SLC2A13: variants seen among roughly 807,000 people sequenced by gnomAD.
SLC2A13 encodes solute carrier family 2 member 13, also known as proton myo-inositol cotransporter.
SLC2A13 carries 32 observed loss-of-function variants against 64.4 expected under a neutral mutation model. The ratio of observed to expected loss-of-function variants is 0.50; its 90% CI spans 0.37 to 0.67. The LOEUF (loss-of-function observed/expected upper bound fraction) is 0.67. Among genes scored for constraint, SLC2A13 ranks in the 30% least tolerant of loss-of-function variants. The probability of loss-of-function intolerance (pLI) is 0.00; values close to 1 mark genes in which losing one functional copy is unlikely to be tolerated. For synonymous variants in SLC2A13, 338 were observed against 327.1 expected (o/e 1.03, Z -0.36); for missense variants, 743 against 829.2 (o/e 0.90, Z 1.28).
At chr12:39,896,729 T>G (rs1273796358) in intron 4 of SLC2A13, among the ~76,000 whole-genome samples, 2 of 152,042 alleles carry the variant, frequency 1.3e-5, no homozygotes. Flanking sequence ...TAGTATACCC[T>G]AATAAAACAT....
chr12:40,066,839 C>G (rs1592053926), intron 1 of SLC2A13, among the ~76,000 whole-genome samples: 1 of 152,014 alleles, frequency 6.6e-6, no homozygotes, highest in Non-Finnish European at 1.5e-5. Context: ...GATAACAGAG[C>G]CACATAACTA....
At chr12:39,927,732 G>T (rs1037004571) in intron 4 of SLC2A13, among the ~76,000 whole-genome samples, 2 of 152,020 alleles carry the variant, frequency 1.3e-5, no homozygotes, top group African/African-American at 4.8e-5. Flanking sequence ...ATTTTAAGAG[G>T]CATTTACAAA....
chr12:39,941,576 G>T (rs1946026785), intron 4 of SLC2A13, among the ~76,000 whole-genome samples: 1 of 152,122 alleles, frequency 6.6e-6, no homozygotes, highest in African/African-American at 2.4e-5. Context: ...ATCCTGTTGA[G>T]AATTGTCTAT....
At chr12:39,838,180 T>C (rs1943072304) in intron 6 of SLC2A13, among the ~76,000 whole-genome samples, 1 of 150,602 alleles carries the variant, frequency 6.6e-6, no homozygotes, top group Non-Finnish European at 1.5e-5. Context: ...GATGAGTTCA[T>C]GTCCTTTGTA....
chr12:39,959,176 G>A (rs1488516146), intron 3 of SLC2A13, among the ~76,000 whole-genome samples: 3 of 152,148 alleles, frequency 2.0e-5, no homozygotes, highest in Non-Finnish European at 2.9e-5. Context: ...CCAAGATCCT[G>A]AGCACACCCA....
chr12:39,779,094 G>A (rs1940883002), intron 7 of SLC2A13, among the ~76,000 whole-genome samples: 1 of 152,176 alleles, frequency 6.6e-6, no homozygotes, highest in Non-Finnish European at 1.5e-5. Flanking sequence ...CCCAAGGGCT[G>A]GCATAAGTTG....
intron 4 of SLC2A13, among the ~76,000 whole-genome samples, chr12:39,889,132 CTCATA>C (rs1944538723): frequency 6.6e-6 from 1 of 151,944 alleles, no homozygotes. Flanking sequence ...CAAATGTTGG[CTCATA>C]TCATATTATT....
At chr12:39,847,309 T>A (rs1416832770) in intron 6 of SLC2A13, among the ~76,000 whole-genome samples, 1 of 152,096 alleles carries the variant, frequency 6.6e-6, no homozygotes, top group Non-Finnish European at 1.5e-5. Context: ...CTCCTCCTTT[T>A]TAAGAGAAAT....
intron 3 of SLC2A13, among the ~76,000 whole-genome samples, chr12:39,990,427 T>G (rs1947114490): frequency 6.6e-6 from 1 of 152,208 alleles, no homozygotes; most frequent in Admixed American, 6.5e-5. Flanking sequence ...CAGCAGTGCA[T>G]TCTCCTCTGA....
chr12:39,943,275 G>A (rs999229502), intron 4 of SLC2A13, among the ~76,000 whole-genome samples: 21 of 152,220 alleles, frequency 1.4e-4, no homozygotes, highest in Admixed American at 9.8e-4. Flanking sequence ...AGCAGAGTTT[G>A]AGTGCTGTGC....
At chr12:39,872,412 G>C (rs1435316264) in intron 4 of SLC2A13, among the ~76,000 whole-genome samples, 1 of 152,152 alleles carries the variant, frequency 6.6e-6, no homozygotes, top group African/African-American at 2.4e-5. Context: ...TAAAAATCTG[G>C]GACAAGTGAA....
chr12:39,943,812 C>A (rs1324957134), intron 4 of SLC2A13, among the ~76,000 whole-genome samples: 2 of 152,202 alleles, frequency 1.3e-5, no homozygotes, highest in Non-Finnish European at 2.9e-5. Context: ...ACGGTCTTTG[C>A]AAACCGCAGA....
intron 3 of SLC2A13, among the ~76,000 whole-genome samples, chr12:39,996,372 G>A (rs929971120): frequency 6.6e-6 from 1 of 152,158 alleles, no homozygotes; most frequent in Non-Finnish European, 1.5e-5. Context: ...TAAAAGTTTG[G>A]AAAATTTGCA....
In SLC2A13 at chr12:40,075,850, A is replaced by G. The variant is rs563182684; in HGVS notation, c.557-27640T>C. ...GAATTACTTATATTTATCTGTCTTA[A>G]GTTCACTCACTTTTTTCATCTCTCT... On this transcript the variant is annotated intron_variant, in intron 1 of 9. Coordinates refer to ENST00000280871, the MANE Select transcript of SLC2A13 (RefSeq NM_052885.4). Among the ~76,000 whole-genome samples the G allele has an allele frequency of 5.9e-5, 9 of 152,114 alleles. No homozygotes were observed. The East Asian group carries it at 1.5e-3, about 26-fold the overall frequency.
chr12:39,986,497 T>A (rs1243348210), intron 3 of SLC2A13, among the ~76,000 whole-genome samples: 1 of 152,064 alleles, frequency 6.6e-6, no homozygotes, highest in Non-Finnish European at 1.5e-5. Context: ...TTGATACTTT[T>A]GTTAAATACA....
At chr12:39,836,071 G>A (rs1942995332) in intron 6 of SLC2A13, among the ~76,000 whole-genome samples, 1 of 152,060 alleles carries the variant, frequency 6.6e-6, no homozygotes, top group African/African-American at 2.4e-5. Context: ...ACACAGAAAA[G>A]CCAGAGAAAG....
intron 4 of SLC2A13, among the ~76,000 whole-genome samples, chr12:39,936,432 A>C (rs988270755): frequency 1.3e-5 from 2 of 152,030 alleles, no homozygotes; most frequent in Admixed American, 6.6e-5. Context: ...ACAGCAAAAA[A>C]CCTTGGGCAC....
intron 4 of SLC2A13, among the ~76,000 whole-genome samples, chr12:39,891,158 G>A (rs894025559): frequency 6.7e-6 from 1 of 149,424 alleles, no homozygotes; most frequent in Non-Finnish European, 1.5e-5. Flanking sequence ...GATGCATCTA[G>A]GATGCTTGTC....
intron 1 of SLC2A13, among the ~76,000 whole-genome samples, chr12:40,060,463 G>A (rs982779131): frequency 5.3e-5 from 8 of 152,068 alleles, no homozygotes; most frequent in South Asian, 2.1e-4. Context: ...AGAAATCAAC[G>A]CAGAAAGGAA....
Sources: allele counts gnomAD v4.1 joint callset (sites outside exome capture counted in the v4.1 genomes callset), GRCh38; gene constraint gnomAD v4.1.1; transcripts MANE v1.5; gene names NCBI Gene and HGNC (gene_info 2026-07-23, HGNC 2026-07-21).